The following DPP6 variants were observed in gnomAD, a reference collection of about 807,000 sequenced individuals.
DPP6 encodes the protein dipeptidyl peptidase like 6.
A neutral mutation model predicts 122.6 loss-of-function variants in DPP6; 69 were observed. The ratio of observed to expected loss-of-function variants is 0.56; its 90% CI spans 0.46 to 0.69. DPP6 has a LOEUF of 0.69. DPP6 is among the 30% of genes least tolerant of loss of function. The pLI is 0.00. For synonymous variants in DPP6, 418 were observed against 433.1 expected (o/e 0.97, Z 0.43); for missense variants, 928 against 1,116.9 (o/e 0.83, Z 2.41).
chr7:154,413,863 T>C (rs1447423004), intron 1 of DPP6, among the ~76,000 whole-genome samples: 6 of 152,178 alleles, frequency 3.9e-5, no homozygotes, highest in Admixed American at 3.3e-4. Flanking sequence ...TAAAAGCAAT[T>C]TGCTTTTTCA....
intron 16 of DPP6, among the ~76,000 whole-genome samples, chr7:154,823,845 C>T (rs538259157): frequency 1.3e-5 from 2 of 152,190 alleles, no homozygotes; most frequent in Non-Finnish European, 2.9e-5. Context: ...CAGGCAGATC[C>T]GGCACCTTCT....
chr7:154,617,238 C>T (rs1834319904), intron 5 of DPP6, among the ~76,000 whole-genome samples: 1 of 152,138 alleles, frequency 6.6e-6, no homozygotes, highest in Non-Finnish European at 1.5e-5. Context: ...GGGAAGCAGG[C>T]TCTTTATGCT....
chr7:154,378,244 A>T (rs75333618), intron 1 of DPP6, among the ~76,000 whole-genome samples: 1 of 152,214 alleles, frequency 6.6e-6, no homozygotes, highest in Non-Finnish European at 1.5e-5. Context: ...TGCTGTCTCC[A>T]TATCTTACTC....
At chr7:154,012,143 C>T (rs1001484893) in intron 1 of DPP6, among the ~76,000 whole-genome samples, 1 of 152,158 alleles carries the variant, frequency 6.6e-6, no homozygotes, top group African/African-American at 2.4e-5. Context: ...ACTATTAGAG[C>T]CAGGTTTAGT....
At chr7:153,899,146 C>G (rs531696010) in intron 1 of DPP6, among the ~76,000 whole-genome samples, 2 of 151,866 alleles carry the variant, frequency 1.3e-5, no homozygotes, top group Admixed American at 1.3e-4. Context: ...TTTTCTCCTT[C>G]TCTTATTTAT....
At chr7:154,017,443 T>C (rs1290543896) in intron 1 of DPP6, among the ~76,000 whole-genome samples, 1 of 152,048 alleles carries the variant, frequency 6.6e-6, no homozygotes, top group Non-Finnish European at 1.5e-5. Context: ...CTCACACTTA[T>C]AATCCCAGCA....
intron 1 of DPP6, among the ~76,000 whole-genome samples, chr7:154,208,910 A>G (rs897417656): frequency 6.6e-6 from 1 of 152,212 alleles, no homozygotes; most frequent in African/African-American, 2.4e-5. Context: ...CCTTGCCTAA[A>G]TAATTTATAC....
At chr7:153,872,865 C>G in the DPP6 span, among the ~76,000 whole-genome samples, 1 of 152,148 alleles carries the variant, frequency 6.6e-6, no homozygotes, top group East Asian at 1.9e-4. Flanking sequence ...TTCCATATAC[C>G]TATGTATAGA....
intron 1 of DPP6, among the ~76,000 whole-genome samples, chr7:153,966,732 G>T (rs1344560954): frequency 6.6e-6 from 1 of 151,932 alleles, no homozygotes; most frequent in Non-Finnish European, 1.5e-5. Context: ...ATGAGTAGAA[G>T]TATGGAACAA....
At chr7:154,359,352 A>G (rs1356750806) in intron 1 of DPP6, among the ~76,000 whole-genome samples, 1 of 152,130 alleles carries the variant, frequency 6.6e-6, no homozygotes, top group Non-Finnish European at 1.5e-5. Flanking sequence ...GCCCCGGAGG[A>G]GATCACTGCC....
the DPP6 span, among the ~76,000 whole-genome samples, chr7:153,762,335 T>A: frequency 1.3e-5 from 2 of 152,208 alleles, no homozygotes; most frequent in Non-Finnish European, 2.9e-5. Flanking sequence ...ATAAAGCAAC[T>A]TTTAATATCT....
At chr7:154,747,548 C>T (rs761355002) in intron 8 of DPP6, among the ~76,000 whole-genome samples, 157 of 152,136 alleles carry the variant, frequency 1.0e-3, no homozygotes, top group Non-Finnish European at 1.4e-3. Flanking sequence ...GGTCATTGTG[C>T]GAATCGCCAT....
chr7:154,369,180 C>A (rs1468465875), intron 1 of DPP6, among the ~76,000 whole-genome samples: 1 of 152,156 alleles, frequency 6.6e-6, no homozygotes, highest in Non-Finnish European at 1.5e-5. Flanking sequence ...ACTGAAACCT[C>A]CAACTCTGGG....
intron 1 of DPP6, among the ~76,000 whole-genome samples, chr7:154,102,085 A>G (rs1319179570): frequency 1.3e-5 from 2 of 152,102 alleles, no homozygotes; most frequent in African/African-American, 4.8e-5. Context: ...GACCTCAAAG[A>G]TGAAGCTATT....
At chr7:154,024,574 G>A (rs1299301351) in intron 1 of DPP6, among the ~76,000 whole-genome samples, 3 of 152,210 alleles carry the variant, frequency 2.0e-5, no homozygotes, top group South Asian at 2.1e-4. Flanking sequence ...CAGGGAGCAC[G>A]TTGAATTGGA....
chr7:154,798,047 G>C (rs1798146017), intron 12 of DPP6, among the ~76,000 whole-genome samples: 1 of 152,212 alleles, frequency 6.6e-6, no homozygotes, highest in Non-Finnish European at 1.5e-5. Context: ...GAGGAGGTGA[G>C]GGACGTGATT....
At chr7:154,174,600 A>T (rs1201441198) in intron 1 of DPP6, among the ~76,000 whole-genome samples, 1 of 152,232 alleles carries the variant, frequency 6.6e-6, no homozygotes, top group Non-Finnish European at 1.5e-5. Context: ...CCTGCCTGGA[A>T]AGGTTTTGTT....
the DPP6 span, among the ~76,000 whole-genome samples, chr7:153,798,200 C>G: frequency 4.6e-5 from 7 of 152,132 alleles, no homozygotes; most frequent in Non-Finnish European, 1.0e-4. Context: ...TTCATGACCT[C>G]GTCTATACCT....
the DPP6 span, among the ~76,000 whole-genome samples, chr7:153,783,866 G>A: frequency 6.6e-6 from 1 of 152,170 alleles, no homozygotes; most frequent in Non-Finnish European, 1.5e-5. Context: ...TGGAAACAAT[G>A]TTGATGTTAA....
Sources: allele counts gnomAD v4.1 joint callset (sites outside exome capture counted in the v4.1 genomes callset), GRCh38; gene constraint gnomAD v4.1.1; transcripts MANE v1.5; gene names NCBI Gene and HGNC (gene_info 2026-07-23, HGNC 2026-07-21).